Variants in GASK1B observed in about 807,000 individuals in gnomAD.
GASK1B encodes the protein golgi associated kinase 1B.
Under a neutral mutation model 42.8 loss-of-function variants are expected in GASK1B, and 34 were observed. The ratio of observed to expected loss-of-function variants is 0.79; its 90% confidence interval spans 0.60 to 1.06. The LOEUF is 1.06. GASK1B is among the 50% of genes least tolerant of loss of function. The pLI is 0.00. For synonymous variants in GASK1B, 262 were observed against 259.1 expected (o/e 1.01, Z -0.11); for missense variants, 686 against 661.0 (o/e 1.04, Z -0.42).
At chr4:158,170,011 A>T (rs754427422) in intron 2 of GASK1B, 13 of 557,252 alleles carry the variant, frequency 2.3e-5, no homozygotes, top group Non-Finnish European at 4.1e-5. Flanking sequence ...GCGCGGCTTA[A>T]GAAGATTCCA....
chr4:158,137,227 AG>A (rs1420312396), intron 3 of GASK1B, among the ~76,000 whole-genome samples: 1 of 152,212 alleles, frequency 6.6e-6, no homozygotes, highest in Non-Finnish European at 1.5e-5. Context: ...TGTATGTAAT[AG>A]GCATTCAATA....
intron 4 of GASK1B, among the ~76,000 whole-genome samples, chr4:158,129,753 A>C (rs1222168093): frequency 6.6e-6 from 1 of 152,110 alleles, no homozygotes; most frequent in South Asian, 2.1e-4. Flanking sequence ...CTAGCTTCAC[A>C]CAGCTGGTTA....
Position 158,171,158 on chromosome 4 carries a change from C to T in GASK1B, c.218G>A (p.Ser73Asn). Reference protein sequence around the residue: ...GQAAEKGPHRSRDTAEPSFPE... With the variant: ...GQAAEKGPHRNRDTAEPSFPE... ...GAAGGATGGCTCGGCGGTGTCGCGG[C>T]TGCGATGTGGCCCCTTCTCAGCCGC... The change falls in exon 2 of 5, where the codon AGC becomes AAC. Residue 73 changes from serine to asparagine, a missense_variant. Ser to Asn is a conservative substitution (Grantham distance 46). Transcript: ENST00000585682. 6.2e-7 allele frequency: 1 copy of T among 1,608,662 alleles called. No homozygotes were observed. The highest frequency in any genetic ancestry group is 8.5e-7 in the Non-Finnish European group (1 of 1,176,122).
chr4:158,151,770 C>T (rs965357781), intron 3 of GASK1B, among the ~76,000 whole-genome samples: 1 of 152,116 alleles, frequency 6.6e-6, no homozygotes, highest in African/African-American at 2.4e-5. Context: ...TCTGAACAGA[C>T]CAATAACAAG....
intron 2 of GASK1B, among the ~76,000 whole-genome samples, chr4:158,166,071 C>T (rs1404990556): frequency 1.3e-5 from 2 of 152,016 alleles, no homozygotes; most frequent in Non-Finnish European, 2.9e-5. Flanking sequence ...CGAAAATCTG[C>T]TCCAGTGGTA....
chr4:158,138,000 T>A (rs552790102), intron 3 of GASK1B, among the ~76,000 whole-genome samples: 1 of 152,338 alleles, frequency 6.6e-6, no homozygotes, highest in East Asian at 1.9e-4. Flanking sequence ...TGTTTAAAAA[T>A]AAATGTCAGT....
In GASK1B at chr4:158,155,054, T is replaced by G. The variant is rs535387760; in HGVS notation, c.1125+557A>C. ...AAATAAAAGTAAACCTGAACACTAG[T>G]TCAGGCCATGATGGCAATGGGTGGT... On this transcript the variant is annotated intron_variant, in intron 3 of 4. Coordinates refer to ENST00000585682, the MANE Select transcript of GASK1B (RefSeq NM_001128424.2). Among the ~76,000 whole-genome samples, 8 of 152,156 alleles carry G rather than the reference T, an allele frequency of 5.3e-5. No individual in the cohort carries two copies. The East Asian group carries it at 1.5e-3, about 29-fold the overall frequency.
chr4:158,168,803 CT>C (rs1203058193), intron 2 of GASK1B: 1 of 152,230 alleles, frequency 6.6e-6, no homozygotes, highest in Non-Finnish European at 1.5e-5. Flanking sequence ...AGTTCATCTT[CT>C]CCTCTCTGGG....
chr4:158,170,117 A>G, intron 2 of GASK1B: 1 of 965,038 alleles, frequency 1.0e-6, no homozygotes, highest in Non-Finnish European at 1.5e-6. Flanking sequence ...ACTGTCAGCA[A>G]GTTCTTTGCC....
Position 158,130,834 on chromosome 4 carries a change from T to C in GASK1B, c.1304A>G (p.Asp435Gly). The C allele has an allele frequency of 6.2e-7, 1 of 1,613,782 alleles. No individual in the cohort carries two copies. Among genetic ancestry groups the C allele is most frequent in the Non-Finnish European group, 8.5e-7 (1 of 1,179,928 alleles). Reference protein sequence around the residue: ...LVFIDNKGFFDRSEDNLNFKL... With the variant: ...LVFIDNKGFFGRSEDNLNFKL... ...GAAGTTTAAGTTATCTTCACTCCTG[T>C]CAAAGAAACCCTTGTTGTCTATAAA... is the stretch of plus-strand genomic sequence containing the variant. Residue 435 changes from aspartate to glycine, a missense_variant, in exon 4 of 5, where the codon GAC (aspartate) becomes GGC (glycine). Transcript: ENST00000585682.
intron 2 of GASK1B, among the ~76,000 whole-genome samples, chr4:158,159,841 T>C (rs1043820564): frequency 2.0e-5 from 3 of 150,336 alleles, no homozygotes; most frequent in Non-Finnish European, 4.4e-5. Context: ...GAAAATTCAC[T>C]TAGAATGAGT....
chr4:158,140,502 G>A (rs1386055513), intron 3 of GASK1B, among the ~76,000 whole-genome samples: 1 of 152,142 alleles, frequency 6.6e-6, no homozygotes, highest in Non-Finnish European at 1.5e-5. Flanking sequence ...TGAGCCCAAT[G>A]AGTATCTGCC....
Position 158,155,592 on chromosome 4 carries a change from C to T in GASK1B, c.1125+19G>A, listed in dbSNP as rs1311824716. 2 of 1,603,816 alleles carry T rather than the reference C, an allele frequency of 1.2e-6. No individual in the cohort carries two copies. Among genetic ancestry groups the T allele is most frequent in the Non-Finnish European group, 1.7e-6 (2 of 1,171,142 alleles). On this transcript the variant is annotated intron_variant, in intron 3 of 4. Coordinates refer to ENST00000585682, the MANE Select transcript of GASK1B (RefSeq NM_001128424.2). ...AGCGCCAGTCTTAGATAACTATTTGCTTGATTTGATAAACTTACCTGTAAC... is the reference window on the plus strand; with the variant it reads ...AGCGCCAGTCTTAGATAACTATTTGTTTGATTTGATAAACTTACCTGTAAC...
intron 2 of GASK1B, among the ~76,000 whole-genome samples, chr4:158,156,239 CTG>C (rs950411520): frequency 3.3e-5 from 5 of 152,142 alleles, no homozygotes; most frequent in African/African-American, 1.2e-4. Flanking sequence ...GTAATAACAA[CTG>C]TCTGATTTTC....
rs762957217 is a variant in GASK1B, at chr4:158,170,620, G to GC, written c.755dup (p.Ala253ArgfsTer11). ...CACAGCGGAGCACAGCGCCAGGTGCGCCCCCCTCCAGCACCAGCAAACGGG... is the reference window on the plus strand; with the variant it reads ...CACAGCGGAGCACAGCGCCAGGTGCGCCCCCCCTCCAGCACCAGCAAACGGG... On this transcript the variant is annotated frameshift_variant, in exon 2 of 5. Coordinates refer to ENST00000585682, the MANE Select transcript of GASK1B (RefSeq NM_001128424.2). LOFTEE classifies it high-confidence loss of function. 6 of 1,613,586 alleles carry GC rather than the reference G, an allele frequency of 3.7e-6. No individual in the cohort carries two copies. Among genetic ancestry groups the GC allele is most frequent in the Non-Finnish European group, 4.2e-6 (5 of 1,180,026 alleles).
intron 1 of GASK1B, chr4:158,172,662 C>T (rs1188729872): frequency 6.6e-6 from 1 of 152,068 alleles, no homozygotes; most frequent in African/African-American, 2.4e-5. Flanking sequence ...TTATTTTTAA[C>T]CCCTGGGAGC....
chr4:158,142,421 A>G (rs1250874739), intron 3 of GASK1B, among the ~76,000 whole-genome samples: 1 of 152,210 alleles, frequency 6.6e-6, no homozygotes, highest in African/African-American at 2.4e-5. Flanking sequence ...ACACCTTATG[A>G]GGAACCAGTG....
intron 4 of GASK1B, among the ~76,000 whole-genome samples, chr4:158,129,808 C>T (rs563496696): frequency 1.6e-4 from 24 of 152,230 alleles, no homozygotes; most frequent in Admixed American, 1.4e-3. Context: ...TCCACCCTAC[C>T]GCAGTCTCTT....
intron 3 of GASK1B, among the ~76,000 whole-genome samples, chr4:158,141,060 C>A (rs1731094404): frequency 6.6e-6 from 1 of 152,034 alleles, no homozygotes; most frequent in African/African-American, 2.4e-5. Flanking sequence ...GATTCAAGAG[C>A]AAAGACTTAT....
Sources: allele counts gnomAD v4.1 joint callset (sites outside exome capture counted in the v4.1 genomes callset), GRCh38; gene constraint gnomAD v4.1.1; transcripts MANE v1.5; gene names NCBI Gene and HGNC (gene_info 2026-07-23, HGNC 2026-07-21).